Variants in ELFN1 observed in about 807,000 individuals in gnomAD.
ELFN1 encodes extracellular leucine rich repeat and fibronectin type III domain containing 1.
In ELFN1, 6 loss-of-function variants were observed where a neutral mutation model predicts 7.6. That is an observed-to-expected ratio of 0.79 (90% CI 0.43 to 1.56). ELFN1 has a LOEUF of 1.56. ELFN1 is among the 40% of genes most tolerant of loss of function. The pLI is 0.01. For missense variants in ELFN1, 1,169 were observed against 1,232.2 expected (o/e 0.95, Z 0.77); for synonymous variants, 657 against 588.1 (o/e 1.12, Z -1.70).
At chr7:1,729,856 G>T (rs933702830) in intron 3 of ELFN1, among the ~76,000 whole-genome samples, 1 of 152,240 alleles carries the variant, frequency 6.6e-6, no homozygotes, top group African/African-American at 2.4e-5. Flanking sequence ...ATTTTGTATT[G>T]TCTGTGCCCT....
chr7:1,704,465 G>A (rs1562366869), intron 2 of ELFN1, among the ~76,000 whole-genome samples: 1 of 152,130 alleles, frequency 6.6e-6, no homozygotes, highest in Non-Finnish European at 1.5e-5. Flanking sequence ...ACTCATGCAT[G>A]TGCACACGTG....
At chr7:1,666,444 C>G (rs1407312815), upstream of ELFN1, among the ~76,000 whole-genome samples, 1 of 152,014 alleles carries the variant, frequency 6.6e-6, no homozygotes, top group Admixed American at 6.5e-5. This position sits in a 1 kb window ranked among gnomAD's most constrained non-coding sequence, Gnocchi z 7.9. Flanking sequence ...CCGGGCGTCC[C>G]CATCCACCCA....
rs772138706 is a variant in ELFN1, at chr7:1,746,321, G to C, written c.1725G>C (p.Ala575=). The part of the protein sequence containing the change: ...VNQIINNCID[A]LKSESTSFQG... Reference sequence around the variant, plus strand: ...AGATCATCAACAACTGCATCGACGCGCTCAAGTCCGAGTCCACCTCCTTCC... The same window carrying C: ...AGATCATCAACAACTGCATCGACGCCCTCAAGTCCGAGTCCACCTCCTTCC... Residue 575 remains alanine (A), a synonymous_variant, in exon 4 of 4, where the codon GCG becomes GCC. Transcript: ENST00000424383. 2.6e-6 allele frequency: 4 copies of C among 1,562,426 alleles called. No homozygotes were observed. Among genetic ancestry groups the C allele is most frequent in the South Asian group, 1.2e-5 (1 of 84,716 alleles).
chr7:1,715,534 G>A (rs971925446), intron 3 of ELFN1, among the ~76,000 whole-genome samples: 1 of 152,278 alleles, frequency 6.6e-6, no homozygotes, highest in East Asian at 1.9e-4. Flanking sequence ...CAGCACCTGG[G>A]TCTCCTGCCC....
chr7:1,671,416 T>C (rs1028187680), intron 1 of ELFN1, among the ~76,000 whole-genome samples: 3 of 152,110 alleles, frequency 2.0e-5, no homozygotes, highest in Admixed American at 6.5e-5. Context: ...ACACCCGGAG[T>C]GGGGCCTCTT....
At chr7:1,677,908 C>T (rs539523031) in intron 1 of ELFN1, among the ~76,000 whole-genome samples, 1 of 152,072 alleles carries the variant, frequency 6.6e-6, no homozygotes, top group Non-Finnish European at 1.5e-5. Context: ...CAGGGAGGGA[C>T]GTCAGGAAGA....
At position 1,735,708 on chromosome 7, in the gene ELFN1, AC is replaced by A. The variant is rs1780424722; in HGVS notation, c.-293-8593del. On this transcript the variant is annotated intron_variant, in intron 3 of 3. Coordinates refer to ENST00000424383, the MANE Select transcript of ELFN1 (RefSeq NM_001128636.4). This position sits in a 1 kb window ranked among gnomAD's most constrained non-coding sequence, Gnocchi z 5.9. ...GGTCCGGCAACTGTGCTGAAGGAAA[AC>A]CCACATATGTCCAGCGTGCGGCTCC... Among the ~76,000 whole-genome samples the A allele has an allele frequency of 6.6e-6, 1 of 151,878 alleles. No homozygotes were observed. Among genetic ancestry groups the A allele is most frequent in the African/African-American group, 2.4e-5 (1 of 41,326 alleles).
intron 1 of ELFN1, among the ~76,000 whole-genome samples, chr7:1,686,674 G>C (rs1028924040): frequency 5.9e-5 from 9 of 152,038 alleles, no homozygotes; most frequent in Non-Finnish European, 8.8e-5. Context: ...TAGTTTTCAG[G>C]CCTGACCTGG....
At chr7:1,666,670 G>C (rs1026327464), upstream of ELFN1, among the ~76,000 whole-genome samples, 6 of 151,816 alleles carry the variant, frequency 4.0e-5, no homozygotes, top group Non-Finnish European at 7.4e-5. This position sits in a 1 kb window ranked among gnomAD's most constrained non-coding sequence, Gnocchi z 7.9. Flanking sequence ...CTTCGAGTGC[G>C]CTGGGGTAGC....
chr7:1,674,597 G>C (rs549034876), intron 1 of ELFN1, among the ~76,000 whole-genome samples: 83 of 152,260 alleles, frequency 5.5e-4, no homozygotes, highest in African/African-American at 1.9e-3. Flanking sequence ...AGAGCAGTGA[G>C]GGGGGTGGGG....
intron 2 of ELFN1, chr7:1,692,873 T>G: frequency 5.7e-6 from 1 of 175,310 alleles, no homozygotes; most frequent in African/African-American, 2.3e-5. Flanking sequence ...GGAGAGAAAG[T>G]GAAAGAACGC....
Position 1,670,866 on chromosome 7 carries a change from C to G in ELFN1, c.-549+512C>G, listed in dbSNP as rs1042233669. Among the ~76,000 whole-genome samples, 1 of 149,568 alleles carries G rather than the reference C, an allele frequency of 6.7e-6. No individual in the cohort carries two copies. ...GAGCCTCCTCGCTCCGCGCGGGGAC[C>G]GTCCAGTCACGCACGGGGAGGGGTC... On this transcript the variant is annotated intron_variant, in intron 1 of 3. Coordinates refer to ENST00000424383, the MANE Select transcript of ELFN1 (RefSeq NM_001128636.4). This position sits in a 1 kb window ranked among gnomAD's most constrained non-coding sequence, Gnocchi z 6.4.
At chr7:1,666,493 G>A (rs1028474610), upstream of ELFN1, among the ~76,000 whole-genome samples, 5 of 151,978 alleles carry the variant, frequency 3.3e-5, no homozygotes, top group Non-Finnish European at 7.4e-5. This position sits in a 1 kb window ranked among gnomAD's most constrained non-coding sequence, Gnocchi z 7.9. Context: ...GTTAGCGGCC[G>A]CCGAGCCTGG....
chr7:1,699,553 A>G (rs1448688477), intron 2 of ELFN1, among the ~76,000 whole-genome samples: 1 of 152,112 alleles, frequency 6.6e-6, no homozygotes, highest in East Asian at 1.9e-4. Flanking sequence ...AGGTGGGAGG[A>G]TCACCTGAGC....
At chr7:1,698,871 C>G (rs1562365033) in intron 2 of ELFN1, among the ~76,000 whole-genome samples, 1 of 152,128 alleles carries the variant, frequency 6.6e-6, no homozygotes. Flanking sequence ...CACAAGCACC[C>G]CAGTGAAGAA....
chr7:1,671,646 T>C lies in ELFN1; in HGVS notation c.-549+1292T>C, dbSNP rs189521365. On this transcript the variant is annotated intron_variant, in intron 1 of 3. Coordinates refer to ENST00000424383, the MANE Select transcript of ELFN1 (RefSeq NM_001128636.4). ...GCACCCAGCCTTGGGGGAAACCCCATTGGGTTGGGCATAGGTTGCTTGAAA... is the reference window on the plus strand; with the variant it reads ...GCACCCAGCCTTGGGGGAAACCCCACTGGGTTGGGCATAGGTTGCTTGAAA... Among the ~76,000 whole-genome samples the C allele has an allele frequency of 1.1e-4, 16 of 152,316 alleles. No homozygotes were observed. In the East Asian group the frequency reaches 1.9e-3, roughly 18 times the overall value.
intron 3 of ELFN1, among the ~76,000 whole-genome samples, chr7:1,714,928 T>G (rs1354951486): frequency 6.6e-6 from 1 of 152,206 alleles, no homozygotes; most frequent in Non-Finnish European, 1.5e-5. Flanking sequence ...CCAGGTTCCT[T>G]GTAGCTTCCT....
chr7:1,689,739 C>T (rs552217956), intron 2 of ELFN1, among the ~76,000 whole-genome samples: 1 of 152,330 alleles, frequency 6.6e-6, no homozygotes, highest in South Asian at 2.1e-4. Context: ...AATCACGTGC[C>T]CATTACAGGT....
upstream of ELFN1, among the ~76,000 whole-genome samples, chr7:1,669,787 C>T (rs1260802785): frequency 1.3e-5 from 2 of 152,178 alleles, no homozygotes; most frequent in African/African-American, 2.4e-5. Context: ...ACGGGAGGAC[C>T]TGAGAACGCC....
Sources: gnomAD v4.1 joint callset for allele counts (sites outside exome capture counted in the v4.1 genomes callset) on GRCh38, gnomAD v4.1.1 for gene constraint, Gnocchi (gnomAD v3.1) non-coding constraint, MANE v1.5 for transcripts, NCBI Gene and HGNC (gene_info 2026-07-23, HGNC 2026-07-21) for gene names.